Variants in SBNO2 observed in about 807,000 individuals in gnomAD.
SBNO2 encodes the protein strawberry notch homolog 2.
In SBNO2, 89 loss-of-function variants were observed where a neutral mutation model predicts 146.3. That is an observed-to-expected ratio of 0.61 (90% CI 0.51 to 0.73). The LOEUF is 0.73. Ranked by LOEUF, SBNO2 falls within the 30% of genes least tolerant of loss-of-function variation. The pLI is 0.00. For synonymous variants in SBNO2, 1,147 were observed against 892.6 expected (o/e 1.29, Z -5.08); for missense variants, 2,092 against 2,003.7 (o/e 1.04, Z -0.84).
chr19:1,122,711 C>T lies in SBNO2; in HGVS notation c.861G>A (p.Thr287=), dbSNP rs186031743. 1.5e-4 allele frequency: 230 copies of T among 1,536,870 alleles called. 1 individual carries two copies. The African/African-American group carries it at 2.2e-3, about 15-fold the overall frequency. The stretch of plus-strand genomic sequence containing the variant: ...GGTTCTCCAGGATGACTCCGGCCAC[C>T]GTCCGGCCTTTGCCCACGCCGGCCC... The part of the protein sequence containing the change: ...GDGAGVGKGR[T]VAGVILENHL... Residue 287 remains threonine (T), a synonymous_variant, in exon 9 of 32, where the codon ACG becomes ACA. Transcript: ENST00000361757.
rs746751836 is a variant in SBNO2, at chr19:1,108,181, G to A, written c.*39C>T. On this transcript the variant is annotated 3_prime_UTR_variant, in exon 32 of 32. Transcript: ENST00000361757. ...CCACCGCTGCTCCTAGGGGAGAAAC[G>A]GTCCCTGTGTCTTGGGGCATGTTTC... 1.2e-5 allele frequency: 18 copies of A among 1,503,090 alleles called. No homozygotes were observed. Among genetic ancestry groups the A allele is most frequent in the East Asian group, 2.8e-5 (1 of 36,076 alleles). 93.1% of individuals were successfully genotyped at this position (1,503,090 alleles called of 1,614,324 possible).
At chr19:1,124,933 T>C (rs1170359453) in intron 5 of SBNO2, among the ~76,000 whole-genome samples, 1 of 151,910 alleles carries the variant, frequency 6.6e-6, no homozygotes, top group Non-Finnish European at 1.5e-5. Context: ...ACGCCAACAC[T>C]GAGACAGTGT....
intron 17 of SBNO2, 37 bp from the exon 18 acceptor site, chr19:1,114,459 C>T (rs947635441): frequency 6.1e-6 from 9 of 1,470,622 alleles, no homozygotes; most frequent in Non-Finnish European, 8.2e-6. Context: ...GGCCAGACCG[C>T]AGCAAGGTGG....
At chr19:1,172,789 C>CCCCCCCCCA (rs2080493079) in intron 1 of SBNO2, among the ~76,000 whole-genome samples, 1 of 101,712 alleles carries the variant, frequency 9.8e-6, no homozygotes, top group Non-Finnish European at 2.0e-5. Flanking sequence ...CCCCCCCCGC[C>CCCCCCCCCA]CCGGCAAACT....
Position 1,149,427 on chromosome 19 carries a change from A to C in SBNO2, c.109T>G (p.Cys37Gly), listed in dbSNP as rs1211425856. 2 of 1,552,122 alleles carry C rather than the reference A, an allele frequency of 1.3e-6. No individual in the cohort carries two copies. The highest frequency in any genetic ancestry group is 2.7e-5 in the African/African-American group (2 of 73,150). The change falls in exon 3 of 32, where the codon TGC becomes GGC. Residue 37 changes from cysteine (C) to glycine (G), a missense_variant. Transcript: ENST00000361757. Reference protein sequence around the residue: ...PPPLQSAMLHCPYWNTFSLPP... With the variant: ...PPPLQSAMLHGPYWNTFSLPP... Reference sequence around the variant, plus strand: ...AGCGAGAAGGTGTTCCAGTAGGGGCAGTGCAGCATGGCGCTCTAGAAGAGA... The same window carrying C: ...AGCGAGAAGGTGTTCCAGTAGGGGCCGTGCAGCATGGCGCTCTAGAAGAGA...
chr19:1,108,047 G>T lies in SBNO2; in HGVS notation c.*173C>A. Reference sequence around the variant, plus strand: ...GCCCCGGCCCCCAGCTGTCCTGAGTGGGCCCCGCCAGGGCTGACCAGGTGG... The same window carrying T: ...GCCCCGGCCCCCAGCTGTCCTGAGTTGGCCCCGCCAGGGCTGACCAGGTGG... On this transcript the variant is annotated 3_prime_UTR_variant, in exon 32 of 32. Coordinates refer to ENST00000361757, the MANE Select transcript of SBNO2 (RefSeq NM_014963.3). The T allele has an allele frequency of 1.7e-6, 1 of 597,728 alleles. No individual in the cohort carries two copies. Among genetic ancestry groups the T allele is most frequent in the Non-Finnish European group, 2.6e-6 (1 of 391,058 alleles). 37.0% of individuals were successfully genotyped at this position (597,728 alleles called of 1,614,324 possible).
At chr19:1,169,468 G>C (rs917547449) in intron 1 of SBNO2, among the ~76,000 whole-genome samples, 1 of 152,236 alleles carries the variant, frequency 6.6e-6, no homozygotes, top group Non-Finnish European at 1.5e-5. Context: ...TGTGGCCCAA[G>C]GCCTGTCCCC....
chr19:1,122,597 C>CCCCCCCCCCCCCA, intron 9 of SBNO2, 39 bp from the exon 10 acceptor site: 1 of 1,409,516 alleles, frequency 7.1e-7, no homozygotes, highest in Non-Finnish European at 9.5e-7. Context: ...ACCCTTCCCC[C>CCCCCCCCCCCCCA]TCGCCCCCCG....
chr19:1,169,806 G>A (rs1456822307), intron 1 of SBNO2, among the ~76,000 whole-genome samples: 12 of 152,144 alleles, frequency 7.9e-5, no homozygotes, highest in Non-Finnish European at 1.8e-4. Flanking sequence ...CACCAGGAGG[G>A]GCACCTGTCC....
intron 15 of SBNO2, 38 bp downstream of exon 15, chr19:1,117,285 C>T: frequency 6.5e-7 from 1 of 1,530,288 alleles, no homozygotes; most frequent in Non-Finnish European, 8.8e-7. Context: ...CCCTGCAGGC[C>T]CGGCCGCCCT....
intron 1 of SBNO2, among the ~76,000 whole-genome samples, chr19:1,167,517 C>T (rs139722983): frequency 5.3e-5 from 8 of 152,364 alleles, no homozygotes; most frequent in South Asian, 2.1e-4. Flanking sequence ...CGGGGAGCCA[C>T]GTCCCCCATC....
Position 1,112,723 on chromosome 19 carries a change from C to A in SBNO2, c.2379+95G>T. The stretch of plus-strand genomic sequence containing the variant: ...GCCCGCACCTGGCACACACACACTC[C>A]AGAAGTGCGCGGGTCCACAGTCCCC... On this transcript the variant is annotated intron_variant, in intron 20 of 31. Transcript: ENST00000361757. The surrounding 1 kb of genome is among the most constrained non-coding windows in gnomAD (Gnocchi z 5.9). The A allele has an allele frequency of 6.8e-7, 1 of 1,472,378 alleles. No homozygotes were observed. Among genetic ancestry groups the A allele is most frequent in the Non-Finnish European group, 9.0e-7 (1 of 1,109,608 alleles). 91.2% of individuals were successfully genotyped at this position (1,472,378 alleles called of 1,614,324 possible). A position where few individuals can be genotyped will look rare whatever the true frequency, so the allele number is the denominator to read the frequency against.
At chr19:1,123,426 G>T in intron 7 of SBNO2, 108 bp downstream of exon 7, 1 of 942,524 alleles carries the variant, frequency 1.1e-6, no homozygotes, top group South Asian at 1.5e-5. Flanking sequence ...CCTCCCTGAA[G>T]CTTCACATTC....
rs1472040950 is a variant in SBNO2, at chr19:1,149,436, T to G, written c.100A>C (p.Met34Leu). 1.9e-6 allele frequency: 3 copies of G among 1,551,772 alleles called. No individual in the cohort carries two copies. The highest frequency in any genetic ancestry group is 2.4e-5 in the East Asian group (1 of 41,126). Residue 34 changes from methionine to leucine, a missense_variant, in exon 3 of 32, where the codon ATG becomes CTG. By Grantham distance (15) the Met-to-Leu change is conservative. Transcript: ENST00000361757. ...GTGTTCCAGTAGGGGCAGTGCAGCA[T>G]GGCGCTCTAGAAGAGACAGCGGGCA... ...LYSPPPLQSA[M>L]LHCPYWNTFS...
In SBNO2 at chr19:1,114,295, G is replaced by A. The variant is rs1331375376; in HGVS notation, c.2013C>T (p.Pro671=). The change falls in exon 18 of 32, where the codon CCC becomes CCT. Residue 671 remains proline, a synonymous_variant. Transcript: ENST00000361757. ...CAACGTCGTCATCCACCAGGGACTC[G>A]GGGGAGGAGTTGAAGTCGCTGTCCA... ...PGLDSDFNSS[P]ESLVDDDVVI... 1.5e-5 allele frequency: 23 copies of A among 1,553,444 alleles called. No individual in the cohort carries two copies. The highest frequency in any genetic ancestry group is 8.2e-5 in the African/African-American group (6 of 73,094).
In SBNO2 at chr19:1,108,675, G is replaced by A. The variant is rs1030676604; in HGVS notation, c.3646C>T (p.Arg1216Trp). 3.3e-6 allele frequency: 5 copies of A among 1,531,602 alleles called. No individual in the cohort carries two copies. Among genetic ancestry groups the A allele is most frequent in the East Asian group, 2.5e-5 (1 of 40,240 alleles). 94.9% of individuals were successfully genotyped at this position (1,531,602 alleles called of 1,614,324 possible). The change falls in exon 32 of 32, where the codon CGG becomes TGG. Residue 1216 changes from arginine (R) to tryptophan (W), a missense_variant. Physicochemically the swap from Arg to Trp is moderately radical, Grantham distance 101. Coordinates refer to ENST00000361757, the MANE Select transcript of SBNO2 (RefSeq NM_014963.3). ...ATCAGCCGCAGCTCCTGCAGCACCC[G>A]GCGCACGCAGCCCTCGGGGATCTTG... ...GIKIPEGCVR[R>W]VLQELRLMDA...
chr19:1,164,372 CA>C (rs149876185), intron 1 of SBNO2, among the ~76,000 whole-genome samples: 16 of 114,672 alleles, frequency 1.4e-4, no homozygotes, highest in South Asian at 2.9e-4. Flanking sequence ...TCCCAGATGC[CA>C]GGGGCAGTGG....
rs977624771 is a variant in SBNO2 at position 1,170,138 on chromosome 19, A to G, written c.-127+4034T>C. Among the ~76,000 whole-genome samples, 94 of 152,124 alleles carry G rather than the reference A, an allele frequency of 6.2e-4. 2 individuals are homozygous for G. The highest frequency in any genetic ancestry group is 1.1e-3 in the Non-Finnish European group (72 of 67,992). The stretch of plus-strand genomic sequence containing the variant: ...AGCATCCATGCCGGGCGCACAGACG[A>G]CAGATCTAATCTCCGCCTCCTCACG... On this transcript the variant is annotated intron_variant, in intron 1 of 31. Transcript: ENST00000361757.
At chr19:1,114,152 T>A (rs1158992755) in intron 18 of SBNO2, 79 bp downstream of exon 18, 2 of 1,287,686 alleles carry the variant, frequency 1.6e-6, no homozygotes, top group Non-Finnish European at 2.0e-6. Context: ...CAGGCTGGAA[T>A]CCTGACCCAG....
Sources: gnomAD v4.1 joint callset for allele counts (sites outside exome capture counted in the v4.1 genomes callset) on GRCh38, gnomAD v4.1.1 for gene constraint, Gnocchi (gnomAD v3.1) non-coding constraint, MANE v1.5 for transcripts, NCBI Gene and HGNC (gene_info 2026-07-23, HGNC 2026-07-21) for gene names.